Variants in ZNF843 observed in about 807,000 individuals in gnomAD.
ZNF843 encodes the protein zinc finger protein 843.
For missense variants in ZNF843, 482 were observed against 469.4 expected (o/e 1.03, Z -0.25); for synonymous variants, 185 against 207.7 (o/e 0.89, Z 0.94).
rs1029632639 is a variant in ZNF843 at position 31,436,514 on chromosome 16, C to T, written c.336G>A (p.Leu112=). 14 of 1,550,832 alleles carry T rather than the reference C, an allele frequency of 9.0e-6. No individual in the cohort carries two copies. The East Asian group carries it at 3.2e-4, about 35-fold the overall frequency. The part of the protein sequence containing the change: ...LCCWLTKEHT[L]AEALRLSPVP... Reference sequence around the variant, plus strand: ...CTGGGGACAGACGCAGGGCTTCGGCCAGTGTGTGCTCCTTGGTGAGCCAGC... The same window carrying T: ...CTGGGGACAGACGCAGGGCTTCGGCTAGTGTGTGCTCCTTGGTGAGCCAGC... Residue 112 remains leucine (L), a synonymous_variant, in exon 2 of 2, where the codon CTG becomes CTA. Coordinates refer to ENST00000315678, the MANE Select transcript of ZNF843 (RefSeq NM_001136509.3).
At chr16:31,439,338 G>A (rs1390896338) in intron 1 of ZNF843, among the ~76,000 whole-genome samples, 1 of 152,134 alleles carries the variant, frequency 6.6e-6, no homozygotes, top group African/African-American at 2.4e-5. Context: ...ACCAGTTTTG[G>A]TTAACAGTAA....
intron 1 of ZNF843, among the ~76,000 whole-genome samples, chr16:31,438,043 C>T (rs996701415): frequency 2.6e-5 from 4 of 152,080 alleles, no homozygotes; most frequent in South Asian, 2.1e-4. Flanking sequence ...AGAGGCTGGG[C>T]GCAGTGGCTC....
At chr16:31,442,336 T>C (rs2082204330) in intron 1 of ZNF843, among the ~76,000 whole-genome samples, 1 of 134,876 alleles carries the variant, frequency 7.4e-6, no homozygotes, top group African/African-American at 2.7e-5. Flanking sequence ...TTTATTTATT[T>C]TTGAGACGGA....
In ZNF843 at chr16:31,436,575, G is replaced by T; in HGVS notation, c.275C>A (p.Ala92Glu). The change falls in exon 2 of 2, where the codon GCG becomes GAG. Residue 92 changes from alanine (A) to glutamate (E), a missense_variant. Physicochemically the swap from Ala to Glu is moderately radical, Grantham distance 107. Coordinates refer to ENST00000315678, the MANE Select transcript of ZNF843 (RefSeq NM_001136509.3). ...ASPLGRSHSS[A>E]GVRQGFSGQL... ...GCCGCTAAACCCTTGCCGCACTCCC[G>T]CAGACGAATGGCTTCTCCCGAGTGG... The T allele has an allele frequency of 6.4e-7, 1 of 1,550,790 alleles. No individual in the cohort carries two copies. Among genetic ancestry groups the T allele is most frequent in the East Asian group, 2.4e-5 (1 of 40,892 alleles).
intron 1 of ZNF843, among the ~76,000 whole-genome samples, chr16:31,438,624 C>T (rs1232661924): frequency 6.6e-6 from 1 of 152,106 alleles, no homozygotes; most frequent in Non-Finnish European, 1.5e-5. Flanking sequence ...GCTCTTATCT[C>T]AGGACCTGAC....
In ZNF843 at chr16:31,436,014, G is replaced by A. The variant is rs922079150; in HGVS notation, c.836C>T (p.Ser279Leu). 6.6e-7 allele frequency: 1 copy of A among 1,525,922 alleles called. No individual in the cohort carries two copies. The highest frequency in any genetic ancestry group is 1.2e-5 in the South Asian group (1 of 80,130). The allele number at this position is 1,525,922 out of a possible 1,614,324, so 94.5% of individuals were successfully genotyped here. A position where few individuals can be genotyped will look rare whatever the true frequency, so the allele number is the denominator to read the frequency against. The stretch of plus-strand genomic sequence containing the variant: ...GCCTGGGGCCTGAACCGCCTCCCGC[G>A]AGTCCCGTCCCGCGCTCGCACAGCT... The part of the protein sequence containing the change: ...PRSCASAGRD[S>L]REAVQAPGYP... Residue 279 changes from serine (S) to leucine (L), a missense_variant, in exon 2 of 2, where the codon TCG becomes TTG. By Grantham distance (145) the Ser-to-Leu change is moderately radical (BLOSUM62 -2). Coordinates refer to ENST00000315678, the MANE Select transcript of ZNF843 (RefSeq NM_001136509.3).
Position 31,435,683 on chromosome 16 carries a change from A to G in ZNF843, c.*120T>C. On this transcript the variant is annotated 3_prime_UTR_variant, in exon 2 of 2. Coordinates refer to ENST00000315678, the MANE Select transcript of ZNF843 (RefSeq NM_001136509.3). ...ATAGCCCCCAGCACTTCTGAGAAAGATCTGCCATACAGAAAAGCCGTCCTG... is the reference window on the plus strand; with the variant it reads ...ATAGCCCCCAGCACTTCTGAGAAAGGTCTGCCATACAGAAAAGCCGTCCTG... 1.1e-6 allele frequency: 1 copy of G among 937,990 alleles called. No individual in the cohort carries two copies. 58.1% of individuals were successfully genotyped at this position (937,990 alleles called of 1,614,324 possible).
At position 31,435,943 on chromosome 16, in the gene ZNF843, GTCCGGCCGC is replaced by G. The variant is rs753422907; in HGVS notation, c.898_906del (p.Ala300_Gly302del). On this transcript the variant is annotated inframe_deletion, in exon 2 of 2. Coordinates refer to ENST00000315678, the MANE Select transcript of ZNF843 (RefSeq NM_001136509.3). Reference sequence around the variant, plus strand: ...AGCCTGGCCCTGGCCTCGCCGAGCGGTCCGGCCGCTCTGTGCTGCGAGGCCTTCCGGGCT... The same window carrying G: ...AGCCTGGCCCTGGCCTCGCCGAGCGGTCTGTGCTGCGAGGCCTTCCGGGCT... 15 of 1,541,786 alleles carry G rather than the reference GTCCGGCCGC, an allele frequency of 9.7e-6. No homozygotes were observed. Among genetic ancestry groups the G allele is most frequent in the Non-Finnish European group, 1.3e-5 (15 of 1,142,354 alleles).
rs753139109 is a variant in ZNF843 at position 31,436,053 on chromosome 16, G to GC, written c.796dup (p.Ala266GlyfsTer25). 24 of 1,543,586 alleles carry GC rather than the reference G, an allele frequency of 1.6e-5. 1 individual carries two copies. In the South Asian group the frequency reaches 2.5e-4, roughly 16 times the overall value. ...GCTCGCACAGCTTCTGGGCCCCATCGCCCCCTCCTGCTGAGCTGCCGGCTG... is the reference window on the plus strand; with the variant it reads ...GCTCGCACAGCTTCTGGGCCCCATCGCCCCCCTCCTGCTGAGCTGCCGGCTG... On this transcript the variant is annotated frameshift_variant, in exon 2 of 2. Transcript: ENST00000315678. LOFTEE classifies it low-confidence loss of function (END_TRUNC).
rs564629029 is a variant in ZNF843 at position 31,435,921 on chromosome 16, C to T, written c.929G>A (p.Arg310Lys). The T allele has an allele frequency of 6.5e-6, 10 of 1,544,346 alleles. No individual in the cohort carries two copies. The East Asian group carries it at 2.0e-4, about 30-fold the overall frequency. The change falls in exon 2 of 2, where the codon AGG (arginine) becomes AAG (lysine). Residue 310 changes from arginine (R) to lysine (K), a missense_variant. Coordinates refer to ENST00000315678, the MANE Select transcript of ZNF843 (RefSeq NM_001136509.3). Reference sequence around the variant, plus strand: ...AGGAGCTCGGCACTGTCGCTGAAGCCTGGCCCTGGCCTCGCCGAGCGGTCC... The same window carrying T: ...AGGAGCTCGGCACTGTCGCTGAAGCTTGGCCCTGGCCTCGCCGAGCGGTCC... The part of the protein sequence containing the change: ...AAGPLGEARA[R>K]LQRQCRAPPP...
intron 1 of ZNF843, among the ~76,000 whole-genome samples, chr16:31,437,538 T>G (rs1414817527): frequency 6.7e-6 from 1 of 150,190 alleles, no homozygotes; most frequent in Middle Eastern, 3.4e-3. Flanking sequence ...ACTCCTGGGC[T>G]CAAGCGGTTG....
At chr16:31,443,045 G>T (rs2082207520), upstream of ZNF843, 1 of 152,344 alleles carries the variant, frequency 6.6e-6, no homozygotes, top group Non-Finnish European at 1.5e-5. Context: ...TGAGGACTCC[G>T]CTAACAGCTG....
chr16:31,437,007 G>A lies in ZNF843; in HGVS notation c.-158C>T. On this transcript the variant is annotated 5_prime_UTR_variant, in exon 2 of 2. Coordinates refer to ENST00000315678, the MANE Select transcript of ZNF843 (RefSeq NM_001136509.3). ...GGCCCCAGGCCTCGGGGGCTGTCTG[G>A]AGAGTTCTCTAATGTAAGACGCTGG... 1.5e-6 allele frequency: 1 copy of A among 664,884 alleles called. No individual in the cohort carries two copies. Among genetic ancestry groups the A allele is most frequent in the Non-Finnish European group, 2.6e-6 (1 of 385,678 alleles). 41.2% of individuals were successfully genotyped at this position (664,884 alleles called of 1,614,324 possible).
Position 31,436,722 on chromosome 16 carries a change from G to T in ZNF843, c.128C>A (p.Thr43Asn). 1 of 1,551,734 alleles carries T rather than the reference G, an allele frequency of 6.4e-7. No individual in the cohort carries two copies. The change falls in exon 2 of 2, where the codon ACT becomes AAT. Residue 43 changes from threonine to asparagine, a missense_variant. Coordinates refer to ENST00000315678, the MANE Select transcript of ZNF843 (RefSeq NM_001136509.3). Reference protein sequence around the residue: ...CKCKACGRGFTQSASLLQHWR... With the variant: ...CKCKACGRGFNQSASLLQHWR... ...GTGCTGGAGGAGGGATGCGCTCTGA[G>T]TAAAACCCCTCCCGCAGGCCTTGCA...
In ZNF843 at chr16:31,435,907, A is replaced by C; in HGVS notation, c.943T>G (p.Cys315Gly). ...TTCGAGGGCGGTGGAGGAGCTCGGC[A>C]CTGTCGCTGAAGCCTGGCCCTGGCC... ...GEARARLQRQ[C>G]RAPPPPSNPH... The change falls in exon 2 of 2, where the codon TGC becomes GGC. Residue 315 changes from cysteine (C) to glycine (G), a missense_variant. Cys to Gly is a radical substitution (Grantham distance 159). Coordinates refer to ENST00000315678, the MANE Select transcript of ZNF843 (RefSeq NM_001136509.3). 1 of 1,544,620 alleles carries C rather than the reference A, an allele frequency of 6.5e-7. No individual in the cohort carries two copies. Among genetic ancestry groups the C allele is most frequent in the South Asian group, 1.2e-5 (1 of 83,186 alleles).
chr16:31,440,140 CTG>C (rs1167476627), intron 1 of ZNF843, among the ~76,000 whole-genome samples: 4 of 152,174 alleles, frequency 2.6e-5, no homozygotes, highest in Admixed American at 6.5e-5. Flanking sequence ...GATGAAGAAA[CTG>C]AGGCATAGAA....
In ZNF843 at chr16:31,436,051, T is replaced by C. The variant is rs1479813166; in HGVS notation, c.799A>G (p.Met267Val). 6.5e-7 allele frequency: 1 copy of C among 1,543,002 alleles called. No homozygotes were observed. The highest frequency in any genetic ancestry group is 8.7e-7 in the Non-Finnish European group (1 of 1,143,356). ...TQPAAQQEGA[M>V]GPRSCASAGR... The stretch of plus-strand genomic sequence containing the variant: ...GCGCTCGCACAGCTTCTGGGCCCCA[T>C]CGCCCCCTCCTGCTGAGCTGCCGGC... The change falls in exon 2 of 2, where the codon ATG becomes GTG. Residue 267 changes from methionine (M) to valine (V), a missense_variant. By Grantham distance (21) the Met-to-Val change is conservative. Coordinates refer to ENST00000315678, the MANE Select transcript of ZNF843 (RefSeq NM_001136509.3).
intron 1 of ZNF843, among the ~76,000 whole-genome samples, chr16:31,441,147 A>G (rs2082199981): frequency 6.6e-6 from 1 of 152,182 alleles, no homozygotes; most frequent in South Asian, 2.1e-4. Flanking sequence ...CACAGCATGG[A>G]ACCCACAGAA....
At chr16:31,437,602 G>A (rs915535658) in intron 1 of ZNF843, among the ~76,000 whole-genome samples, 6 of 148,846 alleles carry the variant, frequency 4.0e-5, no homozygotes, top group African/African-American at 1.2e-4. Flanking sequence ...TACCATGCCC[G>A]GCCTCCTATA....
Sources: gnomAD v4.1 joint callset for allele counts (sites outside exome capture counted in the v4.1 genomes callset) on GRCh38, gnomAD v4.1.1 for gene constraint, MANE v1.5 for transcripts, NCBI Gene and HGNC (gene_info 2026-07-23, HGNC 2026-07-21) for gene names.